The following TMEM131 variants were observed in gnomAD, a reference collection of about 807,000 sequenced individuals.
TMEM131 encodes the protein 2610524E03Rik.
TMEM131 carries 66 observed loss-of-function variants against 211.6 expected under a neutral mutation model. That is an observed-to-expected ratio of 0.31 (90% confidence interval 0.26 to 0.38). The LOEUF (loss-of-function observed/expected upper bound fraction) is 0.38. Ranked by LOEUF, TMEM131 falls within the 10% of genes least tolerant of loss-of-function variation. The pLI is 1.00. For missense variants in TMEM131, 2,036 were observed against 2,299.3 expected (o/e 0.89, Z 2.34); for synonymous variants, 844 against 841.3 (o/e 1.00, Z -0.06).
At position 97,792,730 on chromosome 2, in the gene TMEM131, G is replaced by C. The variant is rs201560485; in HGVS notation, c.3800C>G (p.Ser1267Trp). ...ANKTSPLVLD[S>W]NTVTQGHTAG... ...TGTATGACCTTGAGTCACTGTGTTC[G>C]AATCTAAGACAAGGGGGCTTGTTTT... The change falls in exon 31 of 41, where the codon TCG becomes TGG. Residue 1267 changes from serine (S) to tryptophan (W), a missense_variant. Coordinates refer to ENST00000186436, the MANE Select transcript of TMEM131 (RefSeq NM_015348.2). 4 of 1,614,022 alleles carry C rather than the reference G, an allele frequency of 2.5e-6. No individual in the cohort carries two copies. The highest frequency in any genetic ancestry group is 1.7e-5 in the Admixed American group (1 of 60,030).
chr2:97,809,830 A>G (rs930339886), intron 18 of TMEM131, 56 bp from the exon 19 acceptor site: 14 of 1,369,794 alleles, frequency 1.0e-5, no homozygotes, highest in African/African-American at 1.4e-5. Flanking sequence ...CCTGATCTTG[A>G]TAACTATTGC....
chr2:97,859,154 G>A, intron 5 of TMEM131, 150 bp downstream of exon 5: 1 of 777,278 alleles, frequency 1.3e-6, no homozygotes, highest in Non-Finnish European at 2.0e-6. Flanking sequence ...GTTAAGGGTA[G>A]AAGTAATCAT....
chr2:97,849,893 C>T (rs1454834302), intron 5 of TMEM131, among the ~76,000 whole-genome samples: 3 of 151,346 alleles, frequency 2.0e-5, no homozygotes, highest in Admixed American at 6.6e-5. Flanking sequence ...AAGATTAAAG[C>T]CAAATTAACT....
chr2:97,899,525 T>A (rs1376715099), intron 3 of TMEM131, among the ~76,000 whole-genome samples: 1 of 152,038 alleles, frequency 6.6e-6, no homozygotes, highest in East Asian at 1.9e-4. Context: ...AAACTAAAAC[T>A]ACACTGTGAT....
intron 1 of TMEM131, among the ~76,000 whole-genome samples, chr2:97,953,499 A>G (rs1464439382): frequency 6.6e-6 from 1 of 152,222 alleles, no homozygotes; most frequent in Non-Finnish European, 1.5e-5. Flanking sequence ...TACTGCTCCT[A>G]AAAGTAAATG....
chr2:97,789,547 C>T (rs1437112304), intron 31 of TMEM131, among the ~76,000 whole-genome samples: 2 of 152,208 alleles, frequency 1.3e-5, no homozygotes, highest in East Asian at 3.8e-4. Flanking sequence ...AGTAAGGGAG[C>T]GGAGTCAAGA....
At chr2:97,927,596 G>A (rs1026657623) in intron 1 of TMEM131, 109 bp from the exon 2 acceptor site, 43 of 772,940 alleles carry the variant, frequency 5.6e-5, no homozygotes, top group Non-Finnish European at 7.3e-5. Flanking sequence ...AAAATGGACT[G>A]CTTAATGGTG....
intron 10 of TMEM131, 56 bp from the exon 11 acceptor site, chr2:97,833,482 A>G: frequency 1.3e-6 from 1 of 787,426 alleles, no homozygotes; most frequent in East Asian, 2.8e-5. Context: ...TAGCCAAGTT[A>G]GAATCTTTAC....
Position 97,983,453 on chromosome 2 carries a change from G to C in TMEM131, c.187+12023C>G, listed in dbSNP as rs1437277700. Reference sequence around the variant, plus strand: ...TCCCTGATAGTCCCTTCAAGTTCCTGTCTAGGCGCCACTAAGGGCTGCATA... The same window carrying C: ...TCCCTGATAGTCCCTTCAAGTTCCTCTCTAGGCGCCACTAAGGGCTGCATA... On this transcript the variant is annotated intron_variant, in intron 1 of 40. Coordinates refer to ENST00000186436, the MANE Select transcript of TMEM131 (RefSeq NM_015348.2). 2.0e-5 allele frequency among the ~76,000 whole-genome samples: 3 copies of C among 152,152 alleles called. No homozygotes were observed. In the East Asian group the frequency reaches 5.8e-4, roughly 29 times the overall value.
intron 1 of TMEM131, among the ~76,000 whole-genome samples, chr2:97,993,996 T>C (rs1156354963): frequency 6.6e-6 from 1 of 152,230 alleles, no homozygotes; most frequent in East Asian, 1.9e-4. Context: ...ACTCAAAGGC[T>C]AAGCGCCAGT....
At chr2:97,940,510 T>C (rs1236336171) in intron 1 of TMEM131, among the ~76,000 whole-genome samples, 1 of 151,986 alleles carries the variant, frequency 6.6e-6, no homozygotes, top group Non-Finnish European at 1.5e-5. Context: ...CTCAGTGAAA[T>C]AAAAGAGGAC....
chr2:97,788,018 A>G (rs1680330217), intron 31 of TMEM131, among the ~76,000 whole-genome samples: 1 of 152,114 alleles, frequency 6.6e-6, no homozygotes, highest in Non-Finnish European at 1.5e-5. Context: ...TTCTGGCTAA[A>G]GGTCCTTCCC....
intron 22 of TMEM131, among the ~76,000 whole-genome samples, chr2:97,803,087 AC>A: frequency 6.6e-6 from 1 of 152,304 alleles, no homozygotes; most frequent in Middle Eastern, 3.4e-3. Flanking sequence ...GTTTCGAAAA[AC>A]CTTTCCAAGT....
Position 97,843,225 on chromosome 2 carries a change from G to C in TMEM131, c.600+920C>G, listed in dbSNP as rs947462975. On this transcript the variant is annotated intron_variant, in intron 6 of 40. Coordinates refer to ENST00000186436, the MANE Select transcript of TMEM131 (RefSeq NM_015348.2). The stretch of plus-strand genomic sequence containing the variant: ...AACAACTTACTAATAGCATGACTTG[G>C]GCAAATGATTTAACCTTTTAAAACT... 3.3e-5 allele frequency among the ~76,000 whole-genome samples: 5 copies of C among 152,076 alleles called. No homozygotes were observed. The Middle Eastern group carries it at 9.5e-3, about 289-fold the overall frequency.
At chr2:97,794,756 C>T (rs1311153767) in intron 29 of TMEM131, among the ~76,000 whole-genome samples, 174 bp downstream of exon 29, 2 of 152,116 alleles carry the variant, frequency 1.3e-5, no homozygotes, top group African/African-American at 4.8e-5. Context: ...ATATGCCACC[C>T]AAGAAGGGCT....
chr2:97,859,973 G>A (rs937298089), intron 4 of TMEM131, among the ~76,000 whole-genome samples: 1 of 152,124 alleles, frequency 6.6e-6, no homozygotes, highest in African/African-American at 2.4e-5. Context: ...TCTAGTCTGC[G>A]CTTTAACCGC....
rs567955164 is a variant in TMEM131, at chr2:97,829,397, GCT to G, written c.1074+3966_1074+3967del. 1.0e-3 allele frequency among the ~76,000 whole-genome samples: 151 copies of G among 151,726 alleles called. 6 individuals carry two copies. The South Asian group carries it at 0.031, about 31-fold the overall frequency. Reference sequence around the variant, plus strand: ...ACTCGGTAAAAACGCACCAATCAGCGCTCTGTGTCTAGCTAAAGGATTGTAAA... The same window carrying G: ...ACTCGGTAAAAACGCACCAATCAGCGCTGTGTCTAGCTAAAGGATTGTAAA... On this transcript the variant is annotated intron_variant, in intron 11 of 40. Transcript: ENST00000186436.
chr2:97,982,097 C>A (rs184152838), intron 1 of TMEM131, among the ~76,000 whole-genome samples: 2 of 152,312 alleles, frequency 1.3e-5, no homozygotes, highest in Admixed American at 1.3e-4. Context: ...ATTTTCAGGA[C>A]CTACCAAACT....
intron 1 of TMEM131, among the ~76,000 whole-genome samples, chr2:97,953,341 G>A (rs1365034056): frequency 2.6e-5 from 4 of 152,124 alleles, no homozygotes; most frequent in Admixed American, 1.3e-4. Flanking sequence ...ATAAAAGGTC[G>A]TTAAAAGATA....
Sources: gnomAD v4.1 joint callset for allele counts (sites outside exome capture counted in the v4.1 genomes callset) on GRCh38, gnomAD v4.1.1 for gene constraint, MANE v1.5 for transcripts, NCBI Gene and HGNC (gene_info 2026-07-23, HGNC 2026-07-21) for gene names.